The following RNF6 variants were observed in gnomAD, a reference collection of about 807,000 sequenced individuals.
RNF6 encodes the protein E3 ubiquitin-protein ligase RNF6.
RNF6 carries 21 observed loss-of-function variants against 50.1 expected under a neutral mutation model. The ratio of observed to expected loss-of-function variants is 0.42; its 90% CI spans 0.30 to 0.60. RNF6 has a LOEUF of 0.60. Ranked by LOEUF, RNF6 falls within the 20% of genes least tolerant of loss-of-function variation. RNF6 has a pLI of 0.20. For synonymous variants in RNF6, 255 were observed against 291.8 expected (o/e 0.87, Z 1.29); for missense variants, 698 against 838.2 (o/e 0.83, Z 2.07).
intron 5 of RNF6, among the ~76,000 whole-genome samples, chr13:26,183,944 A>T (rs1488925562): frequency 1.4e-5 from 2 of 143,280 alleles, no homozygotes; most frequent in East Asian, 2.0e-4. Flanking sequence ...ATAATTATTC[A>T]TATATATACA....
intron 5 of RNF6, among the ~76,000 whole-genome samples, chr13:26,164,563 C>G (rs1231122770): frequency 6.6e-6 from 1 of 151,780 alleles, no homozygotes; most frequent in African/African-American, 2.4e-5. Flanking sequence ...GTCTTTTTTT[C>G]TTTATTCATA....
chr13:26,202,329 T>C lies in RNF6; in HGVS notation n.768+13145A>G, dbSNP rs368099978. 4.0e-4 allele frequency among the ~76,000 whole-genome samples: 61 copies of C among 152,348 alleles called. 3 individuals carry two copies. In the South Asian group the frequency reaches 0.013, roughly 32 times the overall value. On this transcript the variant is annotated intron_variant and non_coding_transcript_variant, in intron 5 of 5. Coordinates refer to the RNF6 transcript ENST00000468480. ...AAGATGATGTGCCAGTTATTATTCT[T>C]AGCATTTCCAAGGGGGTGCTGCCAC...
chr13:26,166,743 A>C (rs1872469326), intron 5 of RNF6, among the ~76,000 whole-genome samples: 1 of 152,140 alleles, frequency 6.6e-6, no homozygotes, highest in Non-Finnish European at 1.5e-5. Context: ...AACAAGGTGA[A>C]ACCCCATCTC....
chr13:26,216,452 G>A (rs1205465235), intron 4 of RNF6, among the ~76,000 whole-genome samples: 2 of 151,970 alleles, frequency 1.3e-5, no homozygotes, highest in Non-Finnish European at 2.9e-5. Context: ...GCAGTATCTA[G>A]TATAAATCAG....
intron 5 of RNF6, among the ~76,000 whole-genome samples, chr13:26,146,525 T>C (rs1871253517): frequency 6.6e-6 from 1 of 152,220 alleles, no homozygotes; most frequent in African/African-American, 2.4e-5. Flanking sequence ...CTCACAGTCA[T>C]GGTGAAAGGT....
At chr13:26,148,842 G>A (rs1242488850) in intron 5 of RNF6, among the ~76,000 whole-genome samples, 4 of 151,156 alleles carry the variant, frequency 2.6e-5, no homozygotes, top group African/African-American at 4.9e-5. Context: ...CAGTCCAAAG[G>A]CCAGCAGATG....
intron 5 of RNF6, among the ~76,000 whole-genome samples, chr13:26,190,736 G>A (rs1868422277): frequency 6.6e-6 from 1 of 152,294 alleles, no homozygotes; most frequent in Middle Eastern, 3.4e-3. Context: ...ATATGTGGGT[G>A]CTATTCTAGG....
At chr13:26,154,413 G>A (rs1871796333) in intron 5 of RNF6, among the ~76,000 whole-genome samples, 1 of 152,192 alleles carries the variant, frequency 6.6e-6, no homozygotes, top group Non-Finnish European at 1.5e-5. Flanking sequence ...AGTATGTGTA[G>A]AGTTAACATG....
chr13:26,135,799 G>T (rs1593138506), intron 5 of RNF6, among the ~76,000 whole-genome samples: 2 of 151,938 alleles, frequency 1.3e-5, no homozygotes, highest in East Asian at 3.9e-4. Flanking sequence ...ATGTCTTGGT[G>T]CTGTCCTTAT....
chr13:26,202,577 G>A (rs1868937505), intron 5 of RNF6, among the ~76,000 whole-genome samples: 2 of 152,150 alleles, frequency 1.3e-5, no homozygotes, highest in African/African-American at 4.8e-5. Flanking sequence ...TTTTAGCAAT[G>A]ACACAAGGCA....
rs533423172 is a variant in RNF6, at chr13:26,180,109, G to A, written n.768+35365C>T. Among the ~76,000 whole-genome samples, 6 of 152,284 alleles carry A rather than the reference G, an allele frequency of 3.9e-5. No individual in the cohort carries two copies. The South Asian group carries it at 1.2e-3, about 32-fold the overall frequency. ...CTGTTCTACCCCCAGATAATCAAGG[G>A]CTATATCCAGTTATCCATCGCCATC... On this transcript the variant is annotated intron_variant and non_coding_transcript_variant, in intron 5 of 5. Transcript: ENST00000468480.
upstream of RNF6, among the ~76,000 whole-genome samples, chr13:26,222,869 C>G (rs187406646): frequency 8.5e-5 from 13 of 152,300 alleles, no homozygotes; most frequent in East Asian, 2.5e-3. Flanking sequence ...AATCCTCTCA[C>G]CTCAGCAAAA....
intron 5 of RNF6, among the ~76,000 whole-genome samples, chr13:26,178,514 G>A (rs1377650174): frequency 6.6e-6 from 1 of 151,428 alleles, no homozygotes; most frequent in Non-Finnish European, 1.5e-5. Context: ...ATGTGGGCGG[G>A]GGTGGGGGAG....
chr13:26,170,803 G>A (rs1872665031), intron 5 of RNF6, among the ~76,000 whole-genome samples: 1 of 152,208 alleles, frequency 6.6e-6, no homozygotes, highest in Non-Finnish European at 1.5e-5. Context: ...ACAAAGGTTG[G>A]AGAAAGGGAA....
chr13:26,152,393 T>C (rs1871660998), intron 5 of RNF6, among the ~76,000 whole-genome samples: 1 of 152,240 alleles, frequency 6.6e-6, no homozygotes, highest in Non-Finnish European at 1.5e-5. Context: ...TCTCCTTCTG[T>C]AATGCTTGGC....
At chr13:26,139,199 A>T (rs1056152720) in intron 5 of RNF6, among the ~76,000 whole-genome samples, 1 of 152,026 alleles carries the variant, frequency 6.6e-6, no homozygotes, top group Non-Finnish European at 1.5e-5. Context: ...CTCACACACC[A>T]AGCCAATATT....
chr13:26,215,311 T>C lies in RNF6; in HGVS notation c.571A>G (p.Ser191Gly). The C allele has an allele frequency of 5.0e-6, 8 of 1,614,250 alleles. No individual in the cohort carries two copies. Among genetic ancestry groups the C allele is most frequent in the Non-Finnish European group, 6.8e-6 (8 of 1,180,048 alleles). ...HTANRQQRST[S>G]PVARRTRSQT... The stretch of plus-strand genomic sequence containing the variant: ...CTTCTTGTTCGCCTAGCCACAGGAC[T>C]AGTTGACCTTTGTTGCCTATTTGCA... Residue 191 changes from serine (S) to glycine (G), a missense_variant, in exon 5 of 5, where the codon AGT (serine) becomes GGT (glycine). Ser to Gly is a moderately conservative substitution (Grantham distance 56). Transcript: ENST00000381588.
At chr13:26,198,131 TA>T (rs1868748641) in intron 5 of RNF6, among the ~76,000 whole-genome samples, 1 of 466 alleles carries the variant, frequency 2.1e-3, no homozygotes, top group Non-Finnish European at 6.0e-3. Flanking sequence ...TGTGTGTGTA[TA>T]TATATATATA....
intron 5 of RNF6, among the ~76,000 whole-genome samples, chr13:26,141,898 A>C (rs556321563): frequency 6.6e-5 from 10 of 152,284 alleles, no homozygotes; most frequent in African/African-American, 2.4e-4. Context: ...TAAACTAAAG[A>C]GCTTCTGCAC....
Sources: allele counts gnomAD v4.1 joint callset (sites outside exome capture counted in the v4.1 genomes callset), GRCh38; gene constraint gnomAD v4.1.1; transcripts MANE v1.5; gene names NCBI Gene and HGNC (gene_info 2026-07-23, HGNC 2026-07-21).